PPP1R14C: variants seen among roughly 807,000 people sequenced by gnomAD.
PPP1R14C encodes the protein protein phosphatase 1 regulatory inhibitor subunit 14C, also known as protein phosphatase 1 regulatory subunit 14C.
A neutral mutation model predicts 20.4 loss-of-function variants in PPP1R14C; 16 were observed. That is an observed-to-expected ratio of 0.78 (90% CI 0.53 to 1.19). PPP1R14C has a LOEUF of 1.19. Ranked by LOEUF, PPP1R14C falls within the 50% of genes most tolerant of loss-of-function variation. The pLI, the probability that PPP1R14C is intolerant of heterozygous loss-of-function variation, is 0.00. For missense variants in PPP1R14C, 211 were observed against 220.1 expected, an observed-to-expected ratio of 0.96 and a Z score of 0.26; for synonymous variants, 91 against 91.0, an observed-to-expected ratio of 1.00 and a Z score of 0.00.
chr6:150,148,054 T>C (rs1050870402), intron 1 of PPP1R14C, among the ~76,000 whole-genome samples: 3 of 152,254 alleles, frequency 2.0e-5, no homozygotes, highest in Non-Finnish European at 4.4e-5. Context: ...TTAAATACCA[T>C]GTTTTATTCC....
chr6:150,153,366 C>G (rs148916681), intron 1 of PPP1R14C, among the ~76,000 whole-genome samples: 1 of 152,228 alleles, frequency 6.6e-6, no homozygotes, highest in Non-Finnish European at 1.5e-5. Flanking sequence ...AACCTCTGAA[C>G]TAAAAGGAAG....
chr6:150,210,800 G>T (rs1213321293), intron 1 of PPP1R14C, among the ~76,000 whole-genome samples: 1 of 152,134 alleles, frequency 6.6e-6, no homozygotes, highest in Non-Finnish European at 1.5e-5. Context: ...GTTCCCTGCT[G>T]CTTTCCCTCA....
chr6:150,143,421 G>C lies in PPP1R14C; in HGVS notation c.229G>C (p.Asp77His). ...GCAGGGAAAAGTGACAGTGAAATACGATCGTAAGGAGCTTCGGAAGCGGCT... is the reference window on the plus strand; with the variant it reads ...GCAGGGAAAAGTGACAGTGAAATACCATCGTAAGGAGCTTCGGAAGCGGCT... ...HQQGKVTVKY[D>H]RKELRKRLVL... Residue 77 changes from aspartate (D) to histidine (H), a missense_variant, in exon 1 of 4, where the codon GAT becomes CAT. Transcript: ENST00000361131. This position sits in a 1 kb window ranked among gnomAD's most constrained non-coding sequence, Gnocchi z 5.6. 6.2e-7 allele frequency: 1 copy of C among 1,611,924 alleles called. No individual in the cohort carries two copies. The highest frequency in any genetic ancestry group is 8.5e-7 in the Non-Finnish European group (1 of 1,179,128).
At chr6:150,198,375 G>A (rs554770002) in intron 1 of PPP1R14C, among the ~76,000 whole-genome samples, 25 of 152,142 alleles carry the variant, frequency 1.6e-4, no homozygotes, top group Admixed American at 2.6e-4. Context: ...CTGGATGCCC[G>A]GCTTTGTGTG....
intron 1 of PPP1R14C, among the ~76,000 whole-genome samples, chr6:150,172,165 T>C (rs1777507670): frequency 6.6e-6 from 1 of 152,240 alleles, no homozygotes; most frequent in South Asian, 2.1e-4. Flanking sequence ...CACCTATCTA[T>C]AAAGTGGTTA....
At chr6:150,159,526 C>T (rs1366301674) in intron 1 of PPP1R14C, among the ~76,000 whole-genome samples, 4 of 152,122 alleles carry the variant, frequency 2.6e-5, no homozygotes, top group Non-Finnish European at 5.9e-5. Flanking sequence ...TCCCAGCATC[C>T]GTCCATCCTT....
intron 1 of PPP1R14C, among the ~76,000 whole-genome samples, chr6:150,160,845 G>A (rs1393758347): frequency 6.6e-6 from 1 of 152,028 alleles, no homozygotes; most frequent in African/African-American, 2.4e-5. Flanking sequence ...CCATGATCGT[G>A]TGTGTGTATG....
intron 1 of PPP1R14C, chr6:150,196,048 A>G: frequency 1.0e-6 from 1 of 985,450 alleles, no homozygotes; most frequent in Non-Finnish European, 1.2e-6. Flanking sequence ...CTCTTGTGTC[A>G]GAGAGACTAA....
chr6:150,230,056 T>A (rs902004496), intron 3 of PPP1R14C, among the ~76,000 whole-genome samples: 7 of 152,192 alleles, frequency 4.6e-5, no homozygotes, highest in Non-Finnish European at 8.8e-5. Flanking sequence ...CTGTTTGCCC[T>A]CATCCAGGAG....
chr6:150,173,964 G>A (rs1460414684), intron 1 of PPP1R14C, among the ~76,000 whole-genome samples: 1 of 151,926 alleles, frequency 6.6e-6, no homozygotes, highest in Non-Finnish European at 1.5e-5. Flanking sequence ...CCGTCTCCAT[G>A]AGGTCTTTTG....
At chr6:150,235,775 G>T (rs570923062) in intron 3 of PPP1R14C, among the ~76,000 whole-genome samples, 2 of 152,214 alleles carry the variant, frequency 1.3e-5, no homozygotes, top group South Asian at 4.2e-4. Context: ...GAATAGGAGG[G>T]AGATACTGAG....
rs188205886 is a variant in PPP1R14C, at chr6:150,243,901, T to C, written c.424-4845T>C. On this transcript the variant is annotated intron_variant, in intron 3 of 3. Transcript: ENST00000361131. ...TGAATCTCCAAATAATAGTGCAGAGTGAAAGAAGCCACACTAAAAAGTACA... is the reference window on the plus strand; with the variant it reads ...TGAATCTCCAAATAATAGTGCAGAGCGAAAGAAGCCACACTAAAAAGTACA... Among the ~76,000 whole-genome samples, 11 of 152,160 alleles carry C rather than the reference T, an allele frequency of 7.2e-5. 1 individual carries two copies. Among genetic ancestry groups the C allele is most frequent in the African/African-American group, 2.7e-4 (11 of 41,506 alleles).
At chr6:150,245,938 A>G (rs1778484735) in intron 3 of PPP1R14C, among the ~76,000 whole-genome samples, 1 of 152,246 alleles carries the variant, frequency 6.6e-6, no homozygotes, top group Non-Finnish European at 1.5e-5. Context: ...TATGCACAAC[A>G]TAGTGTATTA....
intron 1 of PPP1R14C, among the ~76,000 whole-genome samples, chr6:150,154,896 C>A (rs1385352682): frequency 6.6e-6 from 1 of 152,294 alleles, no homozygotes; most frequent in South Asian, 2.1e-4. Flanking sequence ...ACCATAGCTG[C>A]TTTTTCTTTG....
At chr6:150,171,960 C>T (rs1008395769) in intron 1 of PPP1R14C, among the ~76,000 whole-genome samples, 2 of 152,126 alleles carry the variant, frequency 1.3e-5, no homozygotes, top group African/African-American at 4.8e-5. Context: ...TTCCCGCCAC[C>T]ATGCCCTGCT....
At chr6:150,150,179 G>A (rs142712696) in intron 1 of PPP1R14C, among the ~76,000 whole-genome samples, 2 of 152,196 alleles carry the variant, frequency 1.3e-5, no homozygotes, top group Non-Finnish European at 2.9e-5. Context: ...AAGTCAATCT[G>A]TGTTTTTGTT....
At chr6:150,148,005 A>T (rs1396000126) in intron 1 of PPP1R14C, among the ~76,000 whole-genome samples, 4 of 152,226 alleles carry the variant, frequency 2.6e-5, no homozygotes, top group Non-Finnish European at 5.9e-5. Context: ...CTAAGGAAAA[A>T]TATTATAAAA....
chr6:150,218,483 C>CA (rs963205025), intron 3 of PPP1R14C, among the ~76,000 whole-genome samples: 4 of 118,638 alleles, frequency 3.4e-5, no homozygotes, highest in African/African-American at 1.4e-4. Context: ...AACCCCCCCC[C>CA]CCAAAAAAAA....
intron 1 of PPP1R14C, among the ~76,000 whole-genome samples, chr6:150,155,506 A>G (rs1265615974): frequency 1.3e-5 from 2 of 152,198 alleles, no homozygotes; most frequent in Admixed American, 1.3e-4. Context: ...ACTGCCAGTA[A>G]CAAGAGGAAG....
Sources: gnomAD v4.1 joint callset for allele counts (sites outside exome capture counted in the v4.1 genomes callset) on GRCh38, gnomAD v4.1.1 for gene constraint, Gnocchi (gnomAD v3.1) non-coding constraint, MANE v1.5 for transcripts, NCBI Gene and HGNC (gene_info 2026-07-23, HGNC 2026-07-21) for gene names.